The following TMEM163 variants were observed in gnomAD, a reference collection of about 807,000 sequenced individuals.
TMEM163 encodes transmembrane protein 163.
TMEM163 carries 17 observed loss-of-function variants against 29.3 expected under a neutral mutation model. The ratio of observed to expected loss-of-function variants is 0.58; its 90% confidence interval spans 0.40 to 0.87. The LOEUF (loss-of-function observed/expected upper bound fraction) is 0.87. TMEM163 is among the 40% of genes least tolerant of loss of function. TMEM163 has a pLI of 0.00. For synonymous variants in TMEM163, 157 were observed against 160.6 expected, an observed-to-expected ratio of 0.98 and a Z score of 0.17; for missense variants, 303 against 381.5, an observed-to-expected ratio of 0.79 and a Z score of 1.71.
chr2:134,652,202 G>A (rs1227797320), intron 2 of TMEM163, among the ~76,000 whole-genome samples: 1 of 90,652 alleles, frequency 1.1e-5, no homozygotes, highest in Non-Finnish European at 2.3e-5. Flanking sequence ...CCATTTGTTT[G>A]TATCCTCTTT....
chr2:134,640,406 A>T (rs1683198616), intron 2 of TMEM163, among the ~76,000 whole-genome samples: 1 of 152,210 alleles, frequency 6.6e-6, no homozygotes, highest in Non-Finnish European at 1.5e-5. Flanking sequence ...CCTGCAGAAG[A>T]TGACAATATA....
chr2:134,532,070 A>G (rs1183664264), intron 4 of TMEM163, among the ~76,000 whole-genome samples: 2 of 152,242 alleles, frequency 1.3e-5, no homozygotes, highest in African/African-American at 4.8e-5. Context: ...TCATAATATC[A>G]CAGGTAGGAT....
chr2:134,665,663 CTTT>C (rs1210681598), intron 2 of TMEM163, among the ~76,000 whole-genome samples: 1 of 152,046 alleles, frequency 6.6e-6, no homozygotes, highest in Non-Finnish European at 1.5e-5. Flanking sequence ...ACCCCCTTCA[CTTT>C]AACTCATACA....
intron 2 of TMEM163, among the ~76,000 whole-genome samples, chr2:134,556,181 G>T (rs527831016): frequency 2.1e-4 from 32 of 152,298 alleles, no homozygotes; most frequent in African/African-American, 7.5e-4. Context: ...CCCGAAGACA[G>T]ACTGAACCTC....
At chr2:134,645,649 A>G (rs1327367440) in intron 2 of TMEM163, among the ~76,000 whole-genome samples, 1 of 152,250 alleles carries the variant, frequency 6.6e-6, no homozygotes, top group Non-Finnish European at 1.5e-5. Flanking sequence ...AAACAGGAAC[A>G]AACTATTGAT....
At chr2:134,466,487 C>A in intron 5 of TMEM163, 1 of 402,968 alleles carries the variant, frequency 2.5e-6, no homozygotes, top group Non-Finnish European at 4.6e-6. Context: ...TTGACCTCCC[C>A]ACTATTCTGC....
chr2:134,637,756 G>T lies in TMEM163; in HGVS notation c.322+75444C>A, dbSNP rs545168950. On this transcript the variant is annotated intron_variant, in intron 2 of 7. Coordinates refer to ENST00000281924, the MANE Select transcript of TMEM163 (RefSeq NM_030923.5). ...AACTGGGTAAATAATTCTCTTACTT[G>T]TTTTCTCTTAAACTTTCTTAAATGT... Among the ~76,000 whole-genome samples the T allele has an allele frequency of 2.7e-3, 408 of 152,134 alleles. 2 individuals are homozygous for T. The highest frequency in any genetic ancestry group is 9.0e-3 in the African/African-American group (373 of 41,510).
intron 2 of TMEM163, among the ~76,000 whole-genome samples, chr2:134,643,723 T>G (rs1027236690): frequency 2.0e-5 from 3 of 151,260 alleles, no homozygotes; most frequent in Non-Finnish European, 4.4e-5. Context: ...CTGATAAGAA[T>G]GTTCACTCTC....
At chr2:134,619,404 G>A (rs913167804) in intron 2 of TMEM163, among the ~76,000 whole-genome samples, 13 of 152,108 alleles carry the variant, frequency 8.5e-5, no homozygotes, top group East Asian at 7.7e-4. Flanking sequence ...GATTATACAC[G>A]ACGAGTAAAA....
intron 2 of TMEM163, among the ~76,000 whole-genome samples, chr2:134,683,074 T>C (rs1574336337): frequency 6.6e-6 from 1 of 152,052 alleles, no homozygotes; most frequent in African/African-American, 2.4e-5. Flanking sequence ...GACAAAACTA[T>C]AGAAACAGGT....
chr2:134,679,199 G>A (rs1684180399), intron 2 of TMEM163, among the ~76,000 whole-genome samples: 1 of 152,176 alleles, frequency 6.6e-6, no homozygotes. Context: ...CTTGGGCAGT[G>A]GCTGATTACC....
At chr2:134,665,395 A>G (rs1489978985) in intron 2 of TMEM163, among the ~76,000 whole-genome samples, 1 of 152,160 alleles carries the variant, frequency 6.6e-6, no homozygotes, top group African/African-American at 2.4e-5. Flanking sequence ...CTTATTCACT[A>G]TCATGAGAAC....
intron 2 of TMEM163, among the ~76,000 whole-genome samples, chr2:134,689,113 T>G (rs977638325): frequency 2.7e-5 from 4 of 148,290 alleles, no homozygotes; most frequent in Admixed American, 2.7e-4. Context: ...TTGTTTTGTT[T>G]TTTTTTTTTT....
chr2:134,468,066 G>C (rs1371961023), intron 5 of TMEM163: 1 of 152,332 alleles, frequency 6.6e-6, no homozygotes. Context: ...AGCTCTCTTT[G>C]TGCAGGACTC....
chr2:134,631,369 A>ATGACATTTT (rs1388884958), intron 2 of TMEM163, among the ~76,000 whole-genome samples: 15 of 152,226 alleles, frequency 9.9e-5, no homozygotes, highest in African/African-American at 3.4e-4. Context: ...TTGTACTGTA[A>ATGACATTTT]TGACATTTTT....
intron 5 of TMEM163, among the ~76,000 whole-genome samples, chr2:134,480,891 T>TAA (rs1244491818): frequency 6.6e-6 from 1 of 152,240 alleles, no homozygotes; most frequent in Non-Finnish European, 1.5e-5. Flanking sequence ...GTACAGATTT[T>TAA]AAATGTTGAA....
chr2:134,691,081 A>G (rs71417530), intron 2 of TMEM163, among the ~76,000 whole-genome samples: 18,961 of 152,092 alleles, frequency 0.12, 1,537 homozygotes, highest in Middle Eastern at 0.36. Flanking sequence ...TCTGCCAATC[A>G]CTGGGGAAAT....
chr2:134,674,495 G>A (rs1370969488), intron 2 of TMEM163, among the ~76,000 whole-genome samples: 1 of 84,824 alleles, frequency 1.2e-5, no homozygotes, highest in Non-Finnish European at 2.4e-5. Flanking sequence ...AGGCGCGCGC[G>A]CGCGCGCGCG....
intron 5 of TMEM163, among the ~76,000 whole-genome samples, chr2:134,478,671 GTTAA>G (rs1262778275): frequency 6.6e-6 from 1 of 152,220 alleles, no homozygotes; most frequent in African/African-American, 2.4e-5. Context: ...GAAGCAGAGT[GTTAA>G]AAGTTTGCAA....
Sources: allele counts gnomAD v4.1 joint callset (sites outside exome capture counted in the v4.1 genomes callset), GRCh38; gene constraint gnomAD v4.1.1; transcripts MANE v1.5; gene names NCBI Gene and HGNC (gene_info 2026-07-23, HGNC 2026-07-21).